Variants in RSPH14 observed in about 807,000 individuals in gnomAD.
RSPH14 encodes the protein radial spoke head 14 homolog, also known as rhabdoid tumor deletion region gene 1.
Under a neutral mutation model 26.7 loss-of-function variants are expected in RSPH14, and 20 were observed. The observed-to-expected ratio is 0.75, with a 90% CI of 0.53 to 1.09. RSPH14 has a LOEUF of 1.09. Ranked by LOEUF, RSPH14 falls within the 50% of genes least tolerant of loss-of-function variation. The pLI is 0.00. For synonymous variants in RSPH14, 177 were observed against 189.3 expected (o/e 0.93, Z 0.53); for missense variants, 449 against 457.2 (o/e 0.98, Z 0.16).
the RSPH14 span, chr22:23,179,884 T>G: frequency 2.6e-5 from 6 of 229,278 alleles, no homozygotes; most frequent in Non-Finnish European, 3.4e-5. Context: ...CTGAGGCTGG[T>G]GAGAGGCCAG....
chr22:23,112,351 C>T (rs1022606082), intron 4 of RSPH14, among the ~76,000 whole-genome samples: 7 of 152,236 alleles, frequency 4.6e-5, no homozygotes, highest in Non-Finnish European at 1.0e-4. Flanking sequence ...CTCACCAGGC[C>T]GTTTGCTCTT....
chr22:23,080,372 C>G (rs1445729212), intron 4 of RSPH14, among the ~76,000 whole-genome samples: 1 of 151,400 alleles, frequency 6.6e-6, no homozygotes, highest in African/African-American at 2.5e-5. Flanking sequence ...TCTCATCTCC[C>G]CGGTCATCTC....
At position 23,130,084 on chromosome 22, in the gene RSPH14, GAAGAAAGAAAGAAAGAAAGAAAGA is replaced by G. The variant is rs1221656067; in HGVS notation, c.421+3918_421+3941del. The stretch of plus-strand genomic sequence containing the variant: ...AAAAGAAAGAAAGAAAGAAAGAAAG[GAAGAAAGAAAGAAAGAAAGAAAGA>G]AAGAAAGAAAGAAAGAAAGAAAGAA... On this transcript the variant is annotated intron_variant, in intron 4 of 6. Coordinates refer to ENST00000216036, the MANE Select transcript of RSPH14 (RefSeq NM_014433.3). Among the ~76,000 whole-genome samples, 326 of 51,796 alleles carry G rather than the reference GAAGAAAGAAAGAAAGAAAGAAAGA, an allele frequency of 6.3e-3. 7 individuals are homozygous for G. Among genetic ancestry groups the G allele is most frequent in the African/African-American group, 0.013 (167 of 12,798 alleles). The allele number at this position is 51,796 out of a possible 152,430, so 34.0% of individuals were successfully genotyped here. A position where few individuals can be genotyped will look rare whatever the true frequency, so the allele number is the denominator to read the frequency against.
At chr22:23,106,389 G>A (rs1158340831) in intron 4 of RSPH14, among the ~76,000 whole-genome samples, 1 of 152,242 alleles carries the variant, frequency 6.6e-6, no homozygotes, top group Non-Finnish European at 1.5e-5. Flanking sequence ...TGCCCAGTGG[G>A]TGAAGCCCAG....
At chr22:23,143,155 G>A (rs1025392223), upstream of RSPH14, among the ~76,000 whole-genome samples, 16 of 152,068 alleles carry the variant, frequency 1.1e-4, no homozygotes, top group African/African-American at 3.9e-4. Context: ...GCCAGGTGCA[G>A]TGGCTCATAC....
the RSPH14 span, among the ~76,000 whole-genome samples, chr22:23,165,150 C>G: frequency 6.6e-6 from 1 of 152,322 alleles, no homozygotes; most frequent in African/African-American, 2.4e-5. Flanking sequence ...ACTGTCTCCC[C>G]TAGCACCTCT....
At chr22:23,069,807 C>T (rs1391816917) in intron 4 of RSPH14, among the ~76,000 whole-genome samples, 1 of 152,144 alleles carries the variant, frequency 6.6e-6, no homozygotes, top group African/African-American at 2.4e-5. Flanking sequence ...GCCTTTCACA[C>T]GTTCTGAAGG....
At chr22:23,161,404 C>T in the RSPH14 span, 2 of 1,128,538 alleles carry the variant, frequency 1.8e-6, no homozygotes, top group South Asian at 2.6e-5. Flanking sequence ...CCAGAAGCTT[C>T]AGCTCACAGC....
At chr22:23,172,045 T>C in the RSPH14 span, among the ~76,000 whole-genome samples, 10 of 152,140 alleles carry the variant, frequency 6.6e-5, no homozygotes, top group Non-Finnish European at 1.2e-4. Context: ...GTTAAAACAA[T>C]TGCCATCATA....
At chr22:23,163,606 G>GCCCACCCCCC in the RSPH14 span, 1 of 125,232 alleles carries the variant, frequency 8.0e-6, no homozygotes, top group African/African-American at 2.7e-5. Flanking sequence ...CAAGGTGAAA[G>GCCCACCCCCC]CCCCCCCCCC....
chr22:23,075,158 G>A (rs1026767256), intron 4 of RSPH14, among the ~76,000 whole-genome samples: 3 of 152,156 alleles, frequency 2.0e-5, no homozygotes, highest in Non-Finnish European at 4.4e-5. Context: ...GGAAGGCCTG[G>A]AGGGTGGGCC....
chr22:23,159,133 C>A, the RSPH14 span: 1 of 1,606,672 alleles, frequency 6.2e-7, no homozygotes, highest in East Asian at 2.2e-5. Context: ...AGAGCCGGGA[C>A]GCTGGGTCAA....
the RSPH14 span, among the ~76,000 whole-genome samples, chr22:23,172,822 C>T: frequency 4.8e-5 from 7 of 145,704 alleles, no homozygotes; most frequent in East Asian, 4.2e-4. Flanking sequence ...TGGTGGCAGG[C>T]GCCTGTAGTC....
In RSPH14 at chr22:23,140,284, G is replaced by A. The variant is rs975222738; in HGVS notation, c.137C>T (p.Ala46Val). 8 of 1,614,172 alleles carry A rather than the reference G, an allele frequency of 5.0e-6. No homozygotes were observed. The highest frequency in any genetic ancestry group is 6.8e-6 in the Non-Finnish European group (8 of 1,180,034). The part of the protein sequence containing the change: ...QSEDLQTRQK[A>V]LMALCDLMHD... ...CATGAGGTCACACAAGGCCATGAGG[G>A]CTTTCTGCCTCGTCTGGAGGTCCTC... is the stretch of plus-strand genomic sequence containing the variant. The change falls in exon 2 of 7, where the codon GCC becomes GTC. Residue 46 changes from alanine (A) to valine (V), a missense_variant. Transcript: ENST00000216036.
At chr22:23,156,424 G>GT in the RSPH14 span, 1 of 171,186 alleles carries the variant, frequency 5.8e-6, no homozygotes, top group African/African-American at 2.4e-5. Flanking sequence ...GTGAAAGGGG[G>GT]ACCACGGGAG....
chr22:23,138,776 G>T, intron 3 of RSPH14, 64 bp downstream of exon 3: 1 of 1,364,280 alleles, frequency 7.3e-7, no homozygotes, highest in Non-Finnish European at 1.0e-6. Flanking sequence ...CAGCTCAAGT[G>T]CATCCACCCA....
At chr22:23,126,835 A>G (rs933607968) in intron 4 of RSPH14, among the ~76,000 whole-genome samples, 6 of 152,144 alleles carry the variant, frequency 3.9e-5, no homozygotes, top group African/African-American at 1.2e-4. Flanking sequence ...ACCCACCATC[A>G]TGTGGCTCCC....
In RSPH14 at chr22:23,059,687, G is replaced by C. The variant is rs55964741; in HGVS notation, c.822C>G (p.Ile274Met). 2 of 1,559,172 alleles carry C rather than the reference G, an allele frequency of 1.3e-6. No homozygotes were observed. The highest frequency in any genetic ancestry group is 1.7e-6 in the Non-Finnish European group (2 of 1,152,442). Residue 274 changes from isoleucine to methionine, a missense_variant, in exon 7 of 7, where the codon ATC becomes ATG. By Grantham distance (10) the Ile-to-Met change is conservative. Transcript: ENST00000216036. ...AGTGCAGCAGCTCCAGGAGCAGGCC[G>C]ATGGCTTGTGCCTCCAGGGCCGCAT... Reference protein sequence around the residue: ...GKYAALEAQAIGLLLELLHSP... With the variant: ...GKYAALEAQAMGLLLELLHSP...
the RSPH14 span, among the ~76,000 whole-genome samples, chr22:23,175,028 G>T: frequency 2.0e-5 from 3 of 148,642 alleles, no homozygotes; most frequent in African/African-American, 7.5e-5. Context: ...ACAGAGTCTC[G>T]CTCTGTCACC....
Sources: allele counts gnomAD v4.1 joint callset (sites outside exome capture counted in the v4.1 genomes callset), GRCh38; gene constraint gnomAD v4.1.1; transcripts MANE v1.5; gene names NCBI Gene and HGNC (gene_info 2026-07-23, HGNC 2026-07-21).